The following AK8 variants were observed in gnomAD, a reference collection of about 807,000 sequenced individuals.
AK8 encodes adenylate kinase 8.
In AK8, 44 loss-of-function variants were observed where a neutral mutation model predicts 54.6. That is an observed-to-expected ratio of 0.81 (90% CI 0.63 to 1.04). AK8 has a LOEUF of 1.04. AK8 is among the 50% of genes least tolerant of loss of function. The pLI, the probability that AK8 is intolerant of heterozygous loss-of-function variation, is 0.00. For missense variants in AK8, 555 were observed against 613.6 expected, an observed-to-expected ratio of 0.90 and a Z score of 1.01; for synonymous variants, 239 against 245.6, an observed-to-expected ratio of 0.97 and a Z score of 0.25.
chr9:132,814,818 GAAA>G, intron 9 of AK8, 91 bp from the exon 10 acceptor site: 1 of 956,354 alleles, frequency 1.0e-6, no homozygotes, highest in Non-Finnish European at 1.5e-6. Context: ...CCTGCTGAGG[GAAA>G]AAAAAAAGGT....
chr9:132,778,493 G>C (rs998681286), intron 11 of AK8, among the ~76,000 whole-genome samples: 1 of 152,166 alleles, frequency 6.6e-6, no homozygotes, highest in Non-Finnish European at 1.5e-5. Context: ...AAGAGAGAGA[G>C]AGTGGGGCGG....
intron 9 of AK8, among the ~76,000 whole-genome samples, chr9:132,820,874 T>TC (rs1252682447): frequency 6.6e-6 from 1 of 152,192 alleles, no homozygotes; most frequent in Non-Finnish European, 1.5e-5. Flanking sequence ...CAGAGAGATC[T>TC]CAAGGCTACC....
intron 11 of AK8, among the ~76,000 whole-genome samples, chr9:132,773,917 T>A (rs1839091229): frequency 6.6e-6 from 1 of 152,168 alleles, no homozygotes; most frequent in Non-Finnish European, 1.5e-5. Context: ...AGAAACACCA[T>A]GAGTAAAAAC....
chr9:132,833,580 G>A (rs1289300918), intron 5 of AK8, among the ~76,000 whole-genome samples: 1 of 152,160 alleles, frequency 6.6e-6, no homozygotes, highest in African/African-American at 2.4e-5. Flanking sequence ...CCGTACCCCC[G>A]TGGCTCGGTT....
intron 6 of AK8, among the ~76,000 whole-genome samples, 157 bp downstream of exon 6, chr9:132,828,488 A>G (rs1588180665): frequency 6.6e-6 from 1 of 152,246 alleles, no homozygotes; most frequent in East Asian, 1.9e-4. Flanking sequence ...GAATATATTT[A>G]GCTCTGTGAA....
At chr9:132,811,897 A>G (rs1423104641) in intron 10 of AK8, among the ~76,000 whole-genome samples, 1 of 152,202 alleles carries the variant, frequency 6.6e-6, no homozygotes, top group Non-Finnish European at 1.5e-5. Flanking sequence ...AAAAAATTCA[A>G]ATGGACAAGG....
chr9:132,823,720 C>T (rs542878054), intron 8 of AK8, among the ~76,000 whole-genome samples: 34 of 152,318 alleles, frequency 2.2e-4, no homozygotes, highest in East Asian at 9.6e-4. Context: ...CCTACTGAAT[C>T]GGGCTGAGCC....
At chr9:132,779,142 G>T (rs1588121710) in intron 11 of AK8, among the ~76,000 whole-genome samples, 2 of 152,344 alleles carry the variant, frequency 1.3e-5, no homozygotes, top group East Asian at 3.9e-4. Flanking sequence ...ATAGTGAGTA[G>T]ATGCAGCAAA....
chr9:132,741,358 G>A (rs1004478597), intron 11 of AK8, among the ~76,000 whole-genome samples: 18 of 152,330 alleles, frequency 1.2e-4, no homozygotes, highest in South Asian at 6.2e-4. Flanking sequence ...ACTGCACCAC[G>A]CCTTCTACCT....
Position 132,799,390 on chromosome 9 carries a change from G to A in AK8, c.980-6615C>T, listed in dbSNP as rs1307217013. ...TTGCTAGACTCACGACAAGCCATGT[G>A]AGCCTCCTTGGCACCCTAGGGCAAA... On this transcript the variant is annotated intron_variant, in intron 10 of 12. Transcript: ENST00000298545. This position sits in a 1 kb window ranked among gnomAD's most constrained non-coding sequence, Gnocchi z 5.0. Among the ~76,000 whole-genome samples the A allele has an allele frequency of 1.3e-5, 2 of 152,064 alleles. No individual in the cohort carries two copies. The highest frequency in any genetic ancestry group is 3.9e-4 in the East Asian group (2 of 5,192).
At chr9:132,808,744 C>T (rs1840845649) in intron 10 of AK8, among the ~76,000 whole-genome samples, 1 of 152,168 alleles carries the variant, frequency 6.6e-6, no homozygotes, top group Non-Finnish European at 1.5e-5. Flanking sequence ...AAGCGCACAT[C>T]TCTGGGGCAC....
At chr9:132,855,646 C>T (rs944980931) in intron 4 of AK8, among the ~76,000 whole-genome samples, 8 of 152,206 alleles carry the variant, frequency 5.3e-5, no homozygotes, top group Admixed American at 6.5e-5. Context: ...ATATAGGAAG[C>T]CCTGTCGACC....
intron 11 of AK8, among the ~76,000 whole-genome samples, chr9:132,772,785 C>A (rs1467570537): frequency 6.6e-6 from 1 of 152,056 alleles, no homozygotes; most frequent in Non-Finnish European, 1.5e-5. Flanking sequence ...CTCTGCAACG[C>A]CTCTCTCTCT....
At chr9:132,827,810 C>T (rs535287335) in intron 7 of AK8, 20 of 574,196 alleles carry the variant, frequency 3.5e-5, no homozygotes, top group African/African-American at 3.0e-4. Flanking sequence ...CCTCCTTTAG[C>T]CTAAACAGGC....
chr9:132,812,614 C>T (rs1306862994), intron 10 of AK8, among the ~76,000 whole-genome samples: 1 of 124,784 alleles, frequency 8.0e-6, no homozygotes, highest in Admixed American at 8.0e-5. Flanking sequence ...CTCCCAGACC[C>T]TGTGCATGTG....
At chr9:132,767,448 G>GAA (rs200720814) in intron 11 of AK8, among the ~76,000 whole-genome samples, 3 of 147,442 alleles carry the variant, frequency 2.0e-5, no homozygotes, top group African/African-American at 7.5e-5. Flanking sequence ...AGCAAAAATT[G>GAA]AAAAAAAAAA....
chr9:132,843,568 C>T (rs1354512251), intron 5 of AK8, among the ~76,000 whole-genome samples: 2 of 152,148 alleles, frequency 1.3e-5, no homozygotes, highest in Non-Finnish European at 2.9e-5. Context: ...TGCAGGTTGA[C>T]CTGGAGAAAG....
chr9:132,877,172 C>T (rs1188606919), intron 1 of AK8, among the ~76,000 whole-genome samples: 2 of 151,824 alleles, frequency 1.3e-5, no homozygotes, highest in Admixed American at 6.5e-5. Context: ...CCCATCCTGC[C>T]CTGACCTGCT....
intron 11 of AK8, among the ~76,000 whole-genome samples, chr9:132,733,688 G>A (rs971783586): frequency 2.0e-5 from 3 of 152,248 alleles, no homozygotes; most frequent in Non-Finnish European, 2.9e-5. Context: ...TGCAGGGGCA[G>A]CCCAGGCCAC....
Sources: allele counts gnomAD v4.1 joint callset (sites outside exome capture counted in the v4.1 genomes callset), GRCh38; gene constraint gnomAD v4.1.1; non-coding constraint Gnocchi (gnomAD v3.1); transcripts MANE v1.5; gene names NCBI Gene and HGNC (gene_info 2026-07-23, HGNC 2026-07-21).